SLC9A5: variants seen among roughly 807,000 people sequenced by gnomAD.
The protein encoded by SLC9A5 is sodium/hydrogen exchanger 5.
Under a neutral mutation model 91.7 loss-of-function variants are expected in SLC9A5, and 52 were observed. The ratio of observed to expected loss-of-function variants is 0.57; its 90% CI spans 0.45 to 0.71. The LOEUF is 0.71. SLC9A5 is among the 30% of genes least tolerant of loss of function. The pLI, the probability that SLC9A5 is intolerant of heterozygous loss-of-function variation, is 0.00. For synonymous variants in SLC9A5, 419 were observed against 474.5 expected (o/e 0.88, Z 1.52); for missense variants, 871 against 1,158.9 (o/e 0.75, Z 3.61).
In SLC9A5 at chr16:67,258,879, C is replaced by T. The variant is rs2035415864; in HGVS notation, c.1626+432C>T. Among the ~76,000 whole-genome samples the T allele has an allele frequency of 6.7e-6, 1 of 149,790 alleles. No individual in the cohort carries two copies. Among genetic ancestry groups the T allele is most frequent in the Non-Finnish European group, 1.5e-5 (1 of 67,860 alleles). On this transcript the variant is annotated intron_variant, in intron 10 of 15. Coordinates refer to ENST00000299798, the MANE Select transcript of SLC9A5 (RefSeq NM_004594.3). The surrounding 1 kb of genome is among the most constrained non-coding windows in gnomAD (Gnocchi z 4.5). ...TGGCCAACATGGTGAAACCCTGTCT[C>T]TACTAAAAATACAAAAACTAGCCAG...
chr16:67,260,950 A>T (rs1345684538), intron 12 of SLC9A5, among the ~76,000 whole-genome samples: 2 of 152,194 alleles, frequency 1.3e-5, no homozygotes, highest in Non-Finnish European at 2.9e-5. Context: ...GTTGAAACAG[A>T]ATTGGCCTCC....
Position 67,257,141 on chromosome 16 carries a change from G to A in SLC9A5, c.1335+28G>A. ...GGGAGTGCCCACAAGGCTGGGTAGG[G>A]AGAGGGTTGGGCAGGCCCTGGGGGA... is the stretch of plus-strand genomic sequence containing the variant. On this transcript the variant is annotated intron_variant, in intron 7 of 15. Transcript: ENST00000299798. This position sits in a 1 kb window ranked among gnomAD's most constrained non-coding sequence, Gnocchi z 5.1. 1 of 1,593,204 alleles carries A rather than the reference G, an allele frequency of 6.3e-7. No homozygotes were observed. Among genetic ancestry groups the A allele is most frequent in the Non-Finnish European group, 8.5e-7 (1 of 1,170,662 alleles).
At position 67,266,200 on chromosome 16, in the gene SLC9A5, G is replaced by A; in HGVS notation, c.2193G>A (p.Glu731=). The part of the protein sequence containing the change: ...GIIFVARATS[E]VLQEGKVSGS... ...TCTTTGTGGCTCGTGCCACCAGTGA[G>A]GTTCTCCAAGAGGGCAAGGTCTCAG... The change falls in exon 15 of 16, where the codon GAG becomes GAA. Residue 731 remains glutamate (E), a synonymous_variant. Transcript: ENST00000299798. The A allele has an allele frequency of 6.2e-7, 1 of 1,607,158 alleles. No homozygotes were observed. Among genetic ancestry groups the A allele is most frequent in the Non-Finnish European group, 8.5e-7 (1 of 1,176,934 alleles).
chr16:67,263,524 C>A (rs7187160), intron 12 of SLC9A5: 5,258 of 152,578 alleles, frequency 0.034, 307 homozygotes, highest in African/African-American at 0.12. Flanking sequence ...GTGGCTCATG[C>A]CTGTAATCCC....
At position 67,249,046 on chromosome 16, in the gene SLC9A5, T is replaced by C. The variant is rs1281046797; in HGVS notation, c.32T>C (p.Leu11Pro). The C allele has an allele frequency of 6.7e-7, 1 of 1,501,112 alleles. No homozygotes were observed. The highest frequency in any genetic ancestry group is 1.2e-5 in the South Asian group (1 of 80,840). The allele number at this position is 1,501,112 out of a possible 1,614,324, so 93.0% of individuals were successfully genotyped here. A position where few individuals can be genotyped will look rare whatever the true frequency, so the allele number is the denominator to read the frequency against. Residue 11 changes from leucine to proline, a missense_variant, in exon 1 of 16, where the codon CTG (leucine) becomes CCG (proline). Physicochemically the swap from Leu to Pro is moderately conservative, Grantham distance 98. Coordinates refer to ENST00000299798, the MANE Select transcript of SLC9A5 (RefSeq NM_004594.3). MLRAALSLLA[L>P]PLAGAAEEPT... ...CGCGCCGCCCTGTCCCTGCTCGCGC[T>C]GCCCCTGGCGGGGGCGGCCGAAGAG...
Position 67,257,191 on chromosome 16 carries a change from C to A in SLC9A5, c.1335+78C>A. On this transcript the variant is annotated intron_variant, in intron 7 of 15. Transcript: ENST00000299798. This position sits in a 1 kb window ranked among gnomAD's most constrained non-coding sequence, Gnocchi z 5.1. The stretch of plus-strand genomic sequence containing the variant: ...AGTCTTGGAGCCTGTGGGACAGGGG[C>A]TTCTCTTCCCGCTGGGAGATGGAGG... 2 of 1,453,754 alleles carry A rather than the reference C, an allele frequency of 1.4e-6. No homozygotes were observed. The highest frequency in any genetic ancestry group is 1.8e-5 in the Admixed American group (1 of 56,430). 90.1% of individuals were successfully genotyped at this position (1,453,754 alleles called of 1,614,324 possible). A position where few individuals can be genotyped will look rare whatever the true frequency, so the allele number is the denominator to read the frequency against.
chr16:67,257,254 G>T lies in SLC9A5; in HGVS notation c.1336-91G>T. ...CAGACCTTGAGTGCAGTGGGGTAGG[G>T]GTACTGAAGCTGAAGCCTCATTACG... On this transcript the variant is annotated intron_variant, in intron 7 of 15. Coordinates refer to ENST00000299798, the MANE Select transcript of SLC9A5 (RefSeq NM_004594.3). This position sits in a 1 kb window ranked among gnomAD's most constrained non-coding sequence, Gnocchi z 5.1. The T allele has an allele frequency of 7.3e-7, 1 of 1,365,032 alleles. No individual in the cohort carries two copies. The highest frequency in any genetic ancestry group is 1.7e-5 in the Admixed American group (1 of 58,838). The allele number at this position is 1,365,032 out of a possible 1,614,324, so 84.6% of individuals were successfully genotyped here. A position where few individuals can be genotyped will look rare whatever the true frequency, so the allele number is the denominator to read the frequency against.
intron 2 of SLC9A5, among the ~76,000 whole-genome samples, chr16:67,253,498 C>T (rs2035205200): frequency 6.6e-6 from 1 of 152,048 alleles, no homozygotes; most frequent in Non-Finnish European, 1.5e-5. Flanking sequence ...CCAAGGTTAG[C>T]AGAAGAGGTC....
At position 67,257,092 on chromosome 16, in the gene SLC9A5, C is replaced by T. The variant is rs2035347638; in HGVS notation, c.1314C>T (p.Val438=). 3.1e-6 allele frequency: 5 copies of T among 1,611,238 alleles called. No individual in the cohort carries two copies. The highest frequency in any genetic ancestry group is 3.4e-6 in the Non-Finnish European group (4 of 1,179,860). ...TTGTAGCCACCACTATTGTAGTGGT[C>T]TTCTTCACAGTCATCGTGCAGGTGG... ...DYFVATTIVV[V]FFTVIVQGLT... Residue 438 remains valine, a synonymous_variant, in exon 7 of 16, where the codon GTC becomes GTT. Coordinates refer to ENST00000299798, the MANE Select transcript of SLC9A5 (RefSeq NM_004594.3). This position sits in a 1 kb window ranked among gnomAD's most constrained non-coding sequence, Gnocchi z 5.1.
intron 1 of SLC9A5, among the ~76,000 whole-genome samples, chr16:67,250,669 C>T (rs748399841): frequency 3.6e-4 from 55 of 152,294 alleles, no homozygotes; most frequent in Middle Eastern, 3.4e-3. Context: ...TCAGGAACAC[C>T]TTCCCCCAGC....
Position 67,252,185 on chromosome 16 carries a change from C to T in SLC9A5, c.188-357C>T, listed in dbSNP as rs1051252096. On this transcript the variant is annotated intron_variant, in intron 1 of 15. Transcript: ENST00000299798. The surrounding 1 kb of genome is among the most constrained non-coding windows in gnomAD (Gnocchi z 4.0). ...AGAAGGTTGGCCAGGCGCGGTGGCT[C>T]ACACCTGTAATCCCAGCACTTTGGG... Among the ~76,000 whole-genome samples, 1 of 152,096 alleles carries T rather than the reference C, an allele frequency of 6.6e-6. No individual in the cohort carries two copies. Among genetic ancestry groups the T allele is most frequent in the Non-Finnish European group, 1.5e-5 (1 of 68,028 alleles).
At chr16:67,268,518 C>T (rs536233890) in intron 15 of SLC9A5, among the ~76,000 whole-genome samples, 45 of 149,448 alleles carry the variant, frequency 3.0e-4, no homozygotes, top group Non-Finnish European at 5.8e-4. Context: ...GCTATGATCA[C>T]GCCACTACAC....
In SLC9A5 at chr16:67,270,659, C is replaced by A. The variant is rs79321405; in HGVS notation, c.2219-79C>A. The A allele has an allele frequency of 9.6e-7, 1 of 1,041,692 alleles. No homozygotes were observed. The highest frequency in any genetic ancestry group is 1.7e-5 in the South Asian group (1 of 57,708). The allele number at this position is 1,041,692 out of a possible 1,614,324, so 64.5% of individuals were successfully genotyped here. A position where few individuals can be genotyped will look rare whatever the true frequency, so the allele number is the denominator to read the frequency against. On this transcript the variant is annotated intron_variant, in intron 15 of 15. Transcript: ENST00000299798. The surrounding 1 kb of genome is among the most constrained non-coding windows in gnomAD (Gnocchi z 4.3). ...AATGGACGGCATATGGAAACTGTGG[C>A]ATGAATTTATAAGAATGTGCTTATA...
intron 12 of SLC9A5, among the ~76,000 whole-genome samples, chr16:67,260,209 G>A (rs1254568529): frequency 6.6e-6 from 1 of 151,872 alleles, no homozygotes; most frequent in East Asian, 1.9e-4. Context: ...ACAAAAATTA[G>A]CTGGGTGCGG....
Position 67,255,711 on chromosome 16 carries a change from G to T in SLC9A5, c.734-42G>T, listed in dbSNP as rs1367674083. The stretch of plus-strand genomic sequence containing the variant: ...CAGCAGTCTTGTCAGCCCGGGTAGG[G>T]TCCGGGCCAGGGGTCATGCTGACAA... On this transcript the variant is annotated intron_variant, in intron 4 of 15. Coordinates refer to ENST00000299798, the MANE Select transcript of SLC9A5 (RefSeq NM_004594.3). This position sits in a 1 kb window ranked among gnomAD's most constrained non-coding sequence, Gnocchi z 4.9. 2 of 1,521,356 alleles carry T rather than the reference G, an allele frequency of 1.3e-6. No homozygotes were observed. Among genetic ancestry groups the T allele is most frequent in the South Asian group, 2.4e-5 (2 of 82,510 alleles). The allele number at this position is 1,521,356 out of a possible 1,614,324, so 94.2% of individuals were successfully genotyped here. A position where few individuals can be genotyped will look rare whatever the true frequency, so the allele number is the denominator to read the frequency against.
At chr16:67,253,721 C>A (rs2035214300) in intron 2 of SLC9A5, among the ~76,000 whole-genome samples, 1 of 152,142 alleles carries the variant, frequency 6.6e-6, no homozygotes, top group African/African-American at 2.4e-5. Context: ...TGGGGTTTCG[C>A]CATGTTGGCC....
intron 13 of SLC9A5, 119 bp downstream of exon 13, chr16:67,264,641 T>C: frequency 1.0e-6 from 1 of 974,830 alleles, no homozygotes; most frequent in Non-Finnish European, 1.6e-6. Context: ...CCTCAGGGGC[T>C]TGATGACTAC....
Position 67,256,503 on chromosome 16 carries a change from G to A in SLC9A5, c.946G>A (p.Val316Met), listed in dbSNP as rs2035323219. Residue 316 changes from valine to methionine, a missense_variant, in exon 6 of 16, where the codon GTG becomes ATG. Around this residue, in one of 3 missense-constraint regions of SLC9A5, gnomAD observed 454 missense variants for 718.3 expected, o/e 0.63. Transcript: ENST00000299798. This position sits in a 1 kb window ranked among gnomAD's most constrained non-coding sequence, Gnocchi z 4.1. ...TMCGLGCKKYVEANISHKSRT... is the reference protein window; with the variant it reads ...TMCGLGCKKYMEANISHKSRT... ...GTGTGGCCTGGGCTGTAAGAAGTAC[G>A]TGGAGGCCAACATCTCCCATAAGTC... is the stretch of plus-strand genomic sequence containing the variant. The A allele has an allele frequency of 5.6e-6, 9 of 1,612,638 alleles. No homozygotes were observed. Among genetic ancestry groups the A allele is most frequent in the East Asian group, 4.5e-5 (2 of 44,884 alleles).
chr16:67,255,524 G>C lies in SLC9A5; in HGVS notation c.733+53G>C. ...ATTGGAGGTCTGCCTCCCCTGGGTT[G>C]CTGAGGCCCTCCCACCCCGCATCAG... On this transcript the variant is annotated intron_variant, in intron 4 of 15. Transcript: ENST00000299798. This position sits in a 1 kb window ranked among gnomAD's most constrained non-coding sequence, Gnocchi z 4.9. 6.4e-7 allele frequency: 1 copy of C among 1,563,804 alleles called. No homozygotes were observed. The highest frequency in any genetic ancestry group is 8.8e-7 in the Non-Finnish European group (1 of 1,134,640).
Sources: gnomAD v4.1 joint callset for allele counts (sites outside exome capture counted in the v4.1 genomes callset) on GRCh38, gnomAD v4.1.1 for gene constraint, gnomAD v4.1.1 regional missense constraint, Gnocchi (gnomAD v3.1) non-coding constraint, MANE v1.5 for transcripts, NCBI Gene and HGNC (gene_info 2026-07-23, HGNC 2026-07-21) for gene names.